PTPRD: variants seen among roughly 807,000 people sequenced by gnomAD.
PTPRD encodes the protein protein tyrosine phosphatase receptor type D, also known as receptor-type tyrosine-protein phosphatase delta.
PTPRD carries 34 observed loss-of-function variants against 214.5 expected under a neutral mutation model. The observed-to-expected ratio is 0.16, with a 90% CI of 0.12 to 0.21. The LOEUF (loss-of-function observed/expected upper bound fraction) is 0.21, where lower values mean the gene tolerates loss of function less well. PTPRD is among the 10% of genes least tolerant of loss of function. The probability of loss-of-function intolerance (pLI) is 1.00; values close to 1 mark genes in which losing one functional copy is unlikely to be tolerated. For synonymous variants in PTPRD, 1,128 were observed against 845.7 expected, an observed-to-expected ratio of 1.33 and a Z score of -5.79; for missense variants, 2,545 against 2,398.7, an observed-to-expected ratio of 1.06 and a Z score of -1.27.
chr9:10,078,658 A>G (rs558631912), intron 3 of PTPRD, among the ~76,000 whole-genome samples: 2 of 152,142 alleles, frequency 1.3e-5, no homozygotes, highest in South Asian at 4.1e-4. Context: ...CAGTGAGTTA[A>G]TCATTATTTA....
At chr9:9,011,799 C>CT (rs2099512903) in intron 11 of PTPRD, among the ~76,000 whole-genome samples, 1 of 152,164 alleles carries the variant, frequency 6.6e-6, no homozygotes, top group Non-Finnish European at 1.5e-5. Flanking sequence ...AGGGAAGGCC[C>CT]TGGCACTGGT....
intron 9 of PTPRD, among the ~76,000 whole-genome samples, chr9:9,251,725 T>C (rs1160628130): frequency 6.6e-6 from 1 of 152,124 alleles, no homozygotes; most frequent in African/African-American, 2.4e-5. Flanking sequence ...CATAATGGGG[T>C]ACTTTGTACA....
At chr9:9,315,909 C>A (rs1257212304) in intron 9 of PTPRD, among the ~76,000 whole-genome samples, 3 of 142,048 alleles carry the variant, frequency 2.1e-5, no homozygotes, top group South Asian at 2.2e-4. Context: ...CTACGGAAAG[C>A]TTTTCTTGCG....
intron 2 of PTPRD, among the ~76,000 whole-genome samples, chr9:10,453,348 ATAACT>A (rs2098863756): frequency 6.6e-6 from 1 of 151,724 alleles, no homozygotes; most frequent in Non-Finnish European, 1.5e-5. Flanking sequence ...AATTTAAAAA[ATAACT>A]TAAGAAGTTT....
At chr9:8,505,992 T>A (rs1032467786) in intron 22 of PTPRD, among the ~76,000 whole-genome samples, 1 of 152,234 alleles carries the variant, frequency 6.6e-6, no homozygotes, top group East Asian at 1.9e-4. Flanking sequence ...GCATTTCAAC[T>A]ATATAACTTT....
At chr9:8,485,515 A>G (rs1233738768) in intron 28 of PTPRD, 191 bp from the exon 29 acceptor site, 4 of 621,252 alleles carry the variant, frequency 6.4e-6, no homozygotes, top group South Asian at 2.1e-5. Context: ...TTTCTCTCCA[A>G]TTCAGCCAAC....
intron 10 of PTPRD, among the ~76,000 whole-genome samples, chr9:9,117,638 G>T (rs1282168804): frequency 7.2e-5 from 11 of 152,046 alleles, no homozygotes; most frequent in Admixed American, 1.3e-4. Flanking sequence ...CTGAATGAAA[G>T]TTTACTAAAT....
At chr9:10,551,259 T>A (rs913709418) in intron 2 of PTPRD, among the ~76,000 whole-genome samples, 2 of 152,158 alleles carry the variant, frequency 1.3e-5, no homozygotes, top group Admixed American at 6.6e-5. Context: ...GGATCCCTCA[T>A]GTCCAGAGGT....
intron 4 of PTPRD, among the ~76,000 whole-genome samples, chr9:10,030,971 C>A (rs577154694): frequency 6.6e-6 from 1 of 152,168 alleles, no homozygotes; most frequent in South Asian, 2.1e-4. Flanking sequence ...ACACAGATAC[C>A]TTTGTGAAGT....
rs901243765 is a variant in PTPRD, at chr9:9,830,717, G to T, written c.-367-63866C>A. Among the ~76,000 whole-genome samples the T allele has an allele frequency of 2.0e-5, 3 of 151,810 alleles. No homozygotes were observed. The East Asian group carries it at 5.8e-4, about 29-fold the overall frequency. ...AGGACAATATAATATTGAAAGACTG[G>T]CAGTGAAATGGTGTGAAGTCCACTG... On this transcript the variant is annotated intron_variant, in intron 5 of 45. Coordinates refer to ENST00000381196, the MANE Select transcript of PTPRD (RefSeq NM_002839.4).
chr9:10,297,082 A>T (rs2095698194), intron 3 of PTPRD, among the ~76,000 whole-genome samples: 1 of 148,626 alleles, frequency 6.7e-6, no homozygotes, highest in Non-Finnish European at 1.5e-5. Flanking sequence ...GCACAAATGG[A>T]GAAAGTCTGC....
At chr9:9,964,788 G>T (rs982764067) in intron 4 of PTPRD, among the ~76,000 whole-genome samples, 17 of 152,104 alleles carry the variant, frequency 1.1e-4, no homozygotes, top group African/African-American at 4.1e-4. Flanking sequence ...TTTTAACAAT[G>T]TAATAAACTA....
intron 3 of PTPRD, among the ~76,000 whole-genome samples, chr9:10,306,328 G>A (rs640828): frequency 0.3 from 46,080 of 151,180 alleles, 8,307 homozygotes; most frequent in African/African-American, 0.5. Context: ...AATGTAGATT[G>A]CGGGTTGATT....
rs532689931 is a variant in PTPRD, at chr9:10,390,036, C to G, written c.-599-49019G>C. Reference sequence around the variant, plus strand: ...AATTTTCTGTTTTTTCTTTAGATGACTTTACATGGCTCACAATTGCAATTA... The same window carrying G: ...AATTTTCTGTTTTTTCTTTAGATGAGTTTACATGGCTCACAATTGCAATTA... On this transcript the variant is annotated intron_variant, in intron 2 of 45. Coordinates refer to ENST00000381196, the MANE Select transcript of PTPRD (RefSeq NM_002839.4). Among the ~76,000 whole-genome samples, 8 of 151,816 alleles carry G rather than the reference C, an allele frequency of 5.3e-5. No individual in the cohort carries two copies. The East Asian group carries it at 1.4e-3, about 26-fold the overall frequency.
At chr9:8,350,422 G>A (rs1286409451) in intron 39 of PTPRD, among the ~76,000 whole-genome samples, 1 of 152,092 alleles carries the variant, frequency 6.6e-6, no homozygotes, top group African/African-American at 2.4e-5. Context: ...AATTTGATTG[G>A]ATATAGTTCA....
intron 7 of PTPRD, among the ~76,000 whole-genome samples, chr9:9,711,062 C>G (rs1479897001): frequency 1.3e-5 from 2 of 152,072 alleles, no homozygotes; most frequent in Non-Finnish European, 2.9e-5. Flanking sequence ...TGGTTCCCAC[C>G]TTGTGCCGAG....
chr9:8,715,396 C>G (rs1481745096), intron 12 of PTPRD, among the ~76,000 whole-genome samples: 1 of 152,192 alleles, frequency 6.6e-6, no homozygotes, highest in Non-Finnish European at 1.5e-5. Flanking sequence ...CTGTTCCCAT[C>G]TTGCCATCAT....
At chr9:9,653,780 AG>A (rs2096438717) in intron 7 of PTPRD, among the ~76,000 whole-genome samples, 1 of 152,226 alleles carries the variant, frequency 6.6e-6, no homozygotes. Flanking sequence ...CTTCCTCTAA[AG>A]GGATTTGGCT....
chr9:10,332,382 A>G (rs566085155), intron 3 of PTPRD, among the ~76,000 whole-genome samples: 7 of 151,848 alleles, frequency 4.6e-5, no homozygotes, highest in Non-Finnish European at 1.0e-4. Context: ...GCCCATATAT[A>G]AATGAACTTT....
Sources: gnomAD v4.1 joint callset for allele counts (sites outside exome capture counted in the v4.1 genomes callset) on GRCh38, gnomAD v4.1.1 for gene constraint, MANE v1.5 for transcripts, NCBI Gene and HGNC (gene_info 2026-07-23, HGNC 2026-07-21) for gene names.